Variants in COL6A3 observed in about 807,000 individuals in gnomAD.
COL6A3 encodes collagen alpha-3(VI) chain.
A neutral mutation model predicts 274.1 loss-of-function variants in COL6A3; 137 were observed. That is an observed-to-expected ratio of 0.50 (90% confidence interval 0.44 to 0.58). The LOEUF (loss-of-function observed/expected upper bound fraction) is 0.58, where lower values mean the gene tolerates loss of function less well. Ranked by LOEUF, COL6A3 falls within the 20% of genes least tolerant of loss-of-function variation. COL6A3 has a pLI of 0.00. For synonymous variants in COL6A3, 1,650 were observed against 1,650.6 expected (o/e 1.00, Z 0.01); for missense variants, 3,950 against 4,124.9 (o/e 0.96, Z 1.16).
rs754120322 is a variant in COL6A3, at chr2:237,350,134, G to T, written c.6879+13C>A. The stretch of plus-strand genomic sequence containing the variant: ...TCAGCGACAGCCTGACCCCAAGCGC[G>T]CTGTGACCTTACCGTCTCCCCACGA... On this transcript the variant is annotated intron_variant, in intron 28 of 43. Transcript: ENST00000295550. 1.4e-5 allele frequency: 23 copies of T among 1,613,632 alleles called. No homozygotes were observed. The highest frequency in any genetic ancestry group is 1.5e-5 in the Non-Finnish European group (18 of 1,179,770).
At position 237,404,522 on chromosome 2, in the gene COL6A3, G is replaced by A. The variant is rs147955536; in HGVS notation, c.-30-7675C>T. Among the ~76,000 whole-genome samples the A allele has an allele frequency of 4.1e-4, 63 of 152,218 alleles. No individual in the cohort carries two copies. The East Asian group carries it at 4.6e-3, about 11-fold the overall frequency. On this transcript the variant is annotated intron_variant, in intron 1 of 43. Coordinates refer to ENST00000295550, the MANE Select transcript of COL6A3 (RefSeq NM_004369.4). Reference sequence around the variant, plus strand: ...TATAGAGGCTCTTTGTAAAGCATTCGGCTTTGTAATCCAGGTGGAAAAAAT... The same window carrying A: ...TATAGAGGCTCTTTGTAAAGCATTCAGCTTTGTAATCCAGGTGGAAAAAAT...
In COL6A3 at chr2:237,334,699, C is replaced by G. The variant is rs758460467; in HGVS notation, c.9156G>C (p.Gln3052His). ...DRVIGGLLAG[Q>H]TYHVAVVCYL... The stretch of plus-strand genomic sequence containing the variant: ...AGCAGACCACAGCCACATGGTATGT[C>G]TGCCCAGCGAGCAGGCCTCCAATGA... The change falls in exon 41 of 44, where the codon CAG (glutamine) becomes CAC (histidine). Residue 3052 changes from glutamine to histidine, a missense_variant. Gln to His is a conservative substitution (Grantham distance 24). Transcript: ENST00000295550. The G allele has an allele frequency of 1.2e-6, 2 of 1,613,990 alleles. No individual in the cohort carries two copies. Among genetic ancestry groups the G allele is most frequent in the Non-Finnish European group, 1.7e-6 (2 of 1,180,034 alleles).
intron 10 of COL6A3, among the ~76,000 whole-genome samples, chr2:237,367,542 T>G (rs2077582712): frequency 6.6e-6 from 1 of 152,242 alleles, no homozygotes; most frequent in African/African-American, 2.4e-5. Flanking sequence ...TGTCACACTC[T>G]GTGAAAACTC....
At chr2:237,370,174 C>T (rs750213036) in intron 9 of COL6A3, among the ~76,000 whole-genome samples, 2 of 151,290 alleles carry the variant, frequency 1.3e-5, no homozygotes, top group Non-Finnish European at 2.9e-5. Context: ...CCCCACCCAC[C>T]CTGACTCATT....
intron 1 of COL6A3, among the ~76,000 whole-genome samples, chr2:237,403,228 C>T (rs758118805): frequency 2.0e-5 from 3 of 152,100 alleles, no homozygotes; most frequent in Non-Finnish European, 4.4e-5. Flanking sequence ...CCAAATCTTG[C>T]GGCCCAGCTA....
At position 237,367,161 on chromosome 2, in the gene COL6A3, TGGAGTC is replaced by T; in HGVS notation, c.5020_5025del (p.Asp1674_Ser1675del). 6.2e-7 allele frequency: 1 copy of T among 1,614,214 alleles called. No individual in the cohort carries two copies. Among genetic ancestry groups the T allele is most frequent in the Non-Finnish European group, 8.5e-7 (1 of 1,180,040 alleles). ...TTGTACTGGACAAGCCCCACTTGGATGGAGTCGCCATCTTCATAAACTGTGTCCACT... is the reference window on the plus strand; with the variant it reads ...TTGTACTGGACAAGCCCCACTTGGATGCCATCTTCATAAACTGTGTCCACT... On this transcript the variant is annotated inframe_deletion, in exon 11 of 44. Transcript: ENST00000295550.
intron 1 of COL6A3, among the ~76,000 whole-genome samples, chr2:237,397,324 C>T (rs1409336794): frequency 1.2e-4 from 10 of 84,012 alleles, no homozygotes; most frequent in South Asian, 7.7e-4. Context: ...GAAAGGAAGG[C>T]GAGAGGGAGG....
rs557471851 is a variant in COL6A3 at position 237,371,819 on chromosome 2, G to A, written c.4198C>T (p.Leu1400=). 1.9e-6 allele frequency: 3 copies of A among 1,613,754 alleles called. No homozygotes were observed. The highest frequency in any genetic ancestry group is 2.2e-5 in the South Asian group (2 of 91,050). The part of the protein sequence containing the change: ...SVSTFRELPS[L]EQKLLTPITT... Reference sequence around the variant, plus strand: ...ATGGGCGTCAGCAGTTTCTGCTCCAGGCTGGGCAGCTCCCGGAAGGTGCTC... The same window carrying A: ...ATGGGCGTCAGCAGTTTCTGCTCCAAGCTGGGCAGCTCCCGGAAGGTGCTC... The change falls in exon 9 of 44, where the codon CTG becomes TTG. Residue 1400 remains leucine, a synonymous_variant. Coordinates refer to ENST00000295550, the MANE Select transcript of COL6A3 (RefSeq NM_004369.4). The surrounding 1 kb of genome is among the most constrained non-coding windows in gnomAD (Gnocchi z 4.3).
chr2:237,381,596 C>A (rs1181010325), intron 4 of COL6A3, 97 bp from the exon 5 acceptor site: 15 of 1,055,994 alleles, frequency 1.4e-5, no homozygotes, highest in Non-Finnish European at 2.0e-5. Flanking sequence ...AGGACACCCT[C>A]ATTTACTGTG....
At position 237,378,899 on chromosome 2, in the gene COL6A3, T is replaced by C; in HGVS notation, c.2234A>G (p.Gln745Arg). The change falls in exon 6 of 44, where the codon CAG becomes CGG. Residue 745 changes from glutamine (Q) to arginine (R), a missense_variant. This residue lies in a region of COL6A3 where 1,934 missense variants were observed against 1,984.3 expected (regional missense o/e 0.97). Coordinates refer to ENST00000295550, the MANE Select transcript of COL6A3 (RefSeq NM_004369.4). ...GGSRIREHVP[Q>R]LLLLLTAGQS... ...CCCAGCTGTGAGCAGAAGCAGGAGC[T>C]GCGGCACGTGTTCACGGATCCTGCT... 6.2e-7 allele frequency: 1 copy of C among 1,614,216 alleles called. No individual in the cohort carries two copies.
intron 42 of COL6A3, among the ~76,000 whole-genome samples, chr2:237,332,117 A>ATATATATATATATATATATATATG (rs35490728): frequency 3.1e-5 from 2 of 64,204 alleles, no homozygotes; most frequent in Admixed American, 2.0e-4. Context: ...ATATATATAT[A>ATATATATATATATATATATATATG]TGAAAAGAAA....
intron 1 of COL6A3, among the ~76,000 whole-genome samples, chr2:237,404,944 T>C (rs1045172664): frequency 6.6e-6 from 1 of 152,192 alleles, no homozygotes; most frequent in Non-Finnish European, 1.5e-5. Context: ...ATGTGAATCT[T>C]TGGAGGAGTA....
At chr2:237,336,648 A>G in intron 39 of COL6A3, 116 bp from the exon 40 acceptor site, 2 of 1,063,398 alleles carry the variant, frequency 1.9e-6, no homozygotes, top group South Asian at 1.5e-5. Context: ...AATAGTTTTT[A>G]TAGATTATGT....
intron 1 of COL6A3, among the ~76,000 whole-genome samples, chr2:237,397,763 C>G (rs1017591266): frequency 1.3e-5 from 2 of 152,134 alleles, no homozygotes; most frequent in African/African-American, 4.8e-5. Flanking sequence ...TTTCAAATTA[C>G]TAATGAATGA....
rs1279658717 is a variant in COL6A3 at position 237,340,641 on chromosome 2, T to C, written c.8275A>G (p.Ile2759Val). The change falls in exon 38 of 44, where the codon ATC (isoleucine) becomes GTC (valine). Residue 2759 changes from isoleucine to valine, a missense_variant. By Grantham distance (29) the Ile-to-Val change is conservative (BLOSUM62 3). Coordinates refer to ENST00000295550, the MANE Select transcript of COL6A3 (RefSeq NM_004369.4). Reference sequence around the variant, plus strand: ...TAGCCCTTGCATTTGGCCTGCAGGATGACTCTCTGGGCCTCCTCCAGCTGC... The same window carrying C: ...TAGCCCTTGCATTTGGCCTGCAGGACGACTCTCTGGGCCTCCTCCAGCTGC... Reference protein sequence around the residue: ...EQQLEEAQRVILQAKCKGYFF... With the variant: ...EQQLEEAQRVVLQAKCKGYFF... The C allele has an allele frequency of 3.7e-6, 6 of 1,614,210 alleles. 1 individual carries two copies. The South Asian group carries it at 5.5e-5, about 15-fold the overall frequency.
Position 237,364,892 on chromosome 2 carries a change from CGTGCATGTGTGTGG to C in COL6A3, c.5839-478_5839-465del, listed in dbSNP as rs1486419202. ...GTGTGCATGTGTATGGGTGCATGTGCGTGCATGTGTGTGGGTGCATGTCTGTGGGTGTGTGTGCG... is the reference window on the plus strand; with the variant it reads ...GTGTGCATGTGTATGGGTGCATGTGCGTGCATGTCTGTGGGTGTGTGTGCG... On this transcript the variant is annotated intron_variant, in intron 12 of 43. Coordinates refer to ENST00000295550, the MANE Select transcript of COL6A3 (RefSeq NM_004369.4). This position sits in a 1 kb window ranked among gnomAD's most constrained non-coding sequence, Gnocchi z 4.6. Among the ~76,000 whole-genome samples, 9 of 143,572 alleles carry C rather than the reference CGTGCATGTGTGTGG, an allele frequency of 6.3e-5. No homozygotes were observed. Among genetic ancestry groups the C allele is most frequent in the Non-Finnish European group, 1.5e-5 (1 of 65,734 alleles). 94.2% of individuals were successfully genotyped at this position (143,572 alleles called of 152,430 possible).
rs2077047646 is a variant in COL6A3 at position 237,344,046 on chromosome 2, A to G, written c.7668+304T>C. 1 of 462,914 alleles carries G rather than the reference A, an allele frequency of 2.2e-6. No homozygotes were observed. The highest frequency in any genetic ancestry group is 4.0e-6 in the Non-Finnish European group (1 of 250,908). The allele number at this position is 462,914 out of a possible 1,614,324, so 28.7% of individuals were successfully genotyped here. ...CAGGTCCTCATGAATAAAGCAAACA[A>G]GTCACACCACCTTGTTAGTAGATAG... On this transcript the variant is annotated intron_variant, in intron 36 of 43. Coordinates refer to ENST00000295550, the MANE Select transcript of COL6A3 (RefSeq NM_004369.4). The surrounding 1 kb of genome is among the most constrained non-coding windows in gnomAD (Gnocchi z 4.8).
chr2:237,329,532 C>G (rs1474968587), intron 42 of COL6A3: 1 of 152,184 alleles, frequency 6.6e-6, no homozygotes, highest in African/African-American at 2.4e-5. Flanking sequence ...AACAGACAGC[C>G]TGGAGAGGAC....
In COL6A3 at chr2:237,333,624, A is replaced by AAGGTT. The variant is rs1383117692; in HGVS notation, c.9230-81_9230-77dup. 2.4e-6 allele frequency: 3 copies of AAGGTT among 1,272,698 alleles called. No homozygotes were observed. The African/African-American group carries it at 4.4e-5, about 19-fold the overall frequency. 78.8% of individuals were successfully genotyped at this position (1,272,698 alleles called of 1,614,324 possible). ...CTTGGGAATCCTTAGTGACTGATAT[A>AAGGTT]AGGTTGCCTGCTGTGATTAATGTCT... On this transcript the variant is annotated intron_variant, in intron 41 of 43. Coordinates refer to ENST00000295550, the MANE Select transcript of COL6A3 (RefSeq NM_004369.4).
Sources: allele counts gnomAD v4.1 joint callset (sites outside exome capture counted in the v4.1 genomes callset), GRCh38; gene constraint gnomAD v4.1.1; regional missense constraint gnomAD v4.1.1; non-coding constraint Gnocchi (gnomAD v3.1); transcripts MANE v1.5; gene names NCBI Gene and HGNC (gene_info 2026-07-23, HGNC 2026-07-21).